Variants in BCL2L11 observed in about 807,000 individuals in gnomAD.
BCL2L11 encodes bcl-2-like protein 11.
Under a neutral mutation model 20.6 loss-of-function variants are expected in BCL2L11, and 15 were observed. That is an observed-to-expected ratio of 0.73 (90% CI 0.49 to 1.12). The LOEUF (loss-of-function observed/expected upper bound fraction) is 1.12, where lower values mean the gene tolerates loss of function less well. Among genes scored for constraint, BCL2L11 ranks in the 50% most tolerant of loss-of-function variants. BCL2L11 has a pLI of 0.00. For synonymous variants in BCL2L11, 108 were observed against 92.8 expected (o/e 1.16, Z -0.94); for missense variants, 292 against 260.9 (o/e 1.12, Z -0.82).
At chr2:111,129,213 C>A (rs1317364596) in intron 2 of BCL2L11, among the ~76,000 whole-genome samples, 4 of 152,216 alleles carry the variant, frequency 2.6e-5, no homozygotes, top group Non-Finnish European at 5.9e-5. Context: ...CACATGCTTT[C>A]TCAGCACCTT....
rs984163795 is a variant in BCL2L11 at position 111,164,359 on chromosome 2, C to T, written c.*128C>T. 3.0e-5 allele frequency: 21 copies of T among 697,590 alleles called. No individual in the cohort carries two copies. The highest frequency in any genetic ancestry group is 1.3e-4 in the Admixed American group (6 of 47,508). 43.2% of individuals were successfully genotyped at this position (697,590 alleles called of 1,614,324 possible). A position where few individuals can be genotyped will look rare whatever the true frequency, so the allele number is the denominator to read the frequency against. ...GTTCTCTTGTGGAGGGGGCAGGTGACGTTTCAGAAGACACCGAGCTGGATG... is the reference window on the plus strand; with the variant it reads ...GTTCTCTTGTGGAGGGGGCAGGTGATGTTTCAGAAGACACCGAGCTGGATG... On this transcript the variant is annotated 3_prime_UTR_variant, in exon 4 of 4. Transcript: ENST00000393256.
At chr2:111,126,657 A>G (rs747607866) in intron 2 of BCL2L11, among the ~76,000 whole-genome samples, 1 of 152,186 alleles carries the variant, frequency 6.6e-6, no homozygotes, top group Non-Finnish European at 1.5e-5. Flanking sequence ...CCTGAAGACC[A>G]CTGAAATAAT....
intron 3 of BCL2L11, among the ~76,000 whole-genome samples, chr2:111,161,239 A>G (rs2078509985): frequency 6.6e-6 from 1 of 152,244 alleles, no homozygotes. Context: ...GACACAGTGT[A>G]CAGTTCAGCC....
chr2:111,154,072 T>A (rs1215285714), intron 3 of BCL2L11, among the ~76,000 whole-genome samples: 1 of 152,196 alleles, frequency 6.6e-6, no homozygotes, highest in African/African-American at 2.4e-5. Context: ...TACAAAAATG[T>A]TGCAAGAATG....
intron 3 of BCL2L11, among the ~76,000 whole-genome samples, chr2:111,163,673 G>A (rs918132158): frequency 6.6e-6 from 1 of 152,018 alleles, no homozygotes; most frequent in South Asian, 2.1e-4. Flanking sequence ...GCACAATGGC[G>A]CATCACTGCG....
At chr2:111,140,551 G>A (rs1027655314) in intron 2 of BCL2L11, among the ~76,000 whole-genome samples, 2 of 152,216 alleles carry the variant, frequency 1.3e-5, no homozygotes, top group Non-Finnish European at 2.9e-5. Context: ...GGTGAGCCAA[G>A]CTCGATAACC....
intron 2 of BCL2L11, among the ~76,000 whole-genome samples, chr2:111,143,159 C>G (rs538644318): frequency 6.6e-6 from 1 of 152,116 alleles, no homozygotes; most frequent in Non-Finnish European, 1.5e-5. Flanking sequence ...TGAAAGTAAT[C>G]TAAAGCTATA....
chr2:111,130,109 CTTT>C (rs750092051), intron 2 of BCL2L11: 715 of 337,738 alleles, frequency 2.1e-3, no homozygotes, highest in Middle Eastern at 3.0e-3. Context: ...TTTTACTTCT[CTTT>C]TTTTTTTTTT....
At chr2:111,135,893 C>T (rs762638950) in intron 2 of BCL2L11, among the ~76,000 whole-genome samples, 4 of 152,192 alleles carry the variant, frequency 2.6e-5, no homozygotes, top group African/African-American at 4.8e-5. Flanking sequence ...GATAACTGCC[C>T]TACTAACACT....
At chr2:111,148,366 A>G (rs1457656364) in intron 2 of BCL2L11, among the ~76,000 whole-genome samples, 2 of 152,224 alleles carry the variant, frequency 1.3e-5, no homozygotes, top group African/African-American at 4.8e-5. Context: ...CTTCTAAATC[A>G]GGGAAAGAAC....
At chr2:111,139,318 C>A (rs372169032) in intron 2 of BCL2L11, among the ~76,000 whole-genome samples, 2 of 152,292 alleles carry the variant, frequency 1.3e-5, no homozygotes, top group East Asian at 3.9e-4. Flanking sequence ...GGGACACCTG[C>A]TGGAGACGGC....
intron 3 of BCL2L11, among the ~76,000 whole-genome samples, chr2:111,151,386 C>T (rs913377040): frequency 6.6e-6 from 1 of 152,178 alleles, no homozygotes; most frequent in Non-Finnish European, 1.5e-5. Flanking sequence ...AAAAGGAAGA[C>T]ACTAATTCTT....
intron 3 of BCL2L11, 169 bp downstream of exon 3, chr2:111,150,316 A>G (rs760222674): frequency 7.3e-7 from 1 of 1,365,964 alleles, no homozygotes; most frequent in African/African-American, 1.5e-5. Context: ...CATTTGTTTT[A>G]TGACTAAGTA....
At chr2:111,121,946 G>A (rs2071070498) in intron 1 of BCL2L11, among the ~76,000 whole-genome samples, 1 of 152,208 alleles carries the variant, frequency 6.6e-6, no homozygotes, top group African/African-American at 2.4e-5. Flanking sequence ...GCATGCCCGA[G>A]CACACCCGAC....
At chr2:111,128,610 T>C (rs768012660) in intron 2 of BCL2L11, 392 of 1,486,874 alleles carry the variant, frequency 2.6e-4, no homozygotes, top group Non-Finnish European at 3.4e-4. Context: ...ACACTTTTTT[T>C]TTTTTTTTTT....
intron 2 of BCL2L11, among the ~76,000 whole-genome samples, chr2:111,127,112 C>T (rs192684323): frequency 6.6e-6 from 1 of 152,084 alleles, no homozygotes; most frequent in Non-Finnish European, 1.5e-5. Context: ...ATTTTAGTCT[C>T]CTTACACTCT....
Position 111,123,832 on chromosome 2 carries a change from A to AC in BCL2L11, c.89dup (p.Gly31TrpfsTer13). 1 of 1,551,706 alleles carries AC rather than the reference A, an allele frequency of 6.4e-7. No homozygotes were observed. The highest frequency in any genetic ancestry group is 8.7e-7 in the Non-Finnish European group (1 of 1,151,294). On this transcript the variant is annotated frameshift_variant, in exon 2 of 4. Transcript: ENST00000393256. LOFTEE classifies it high-confidence loss of function. ...CTGCGGAGAGGCCTCCCCAGCTCAGACCTGGGGCCCCTACCTCCCTACAGA... is the reference window on the plus strand; with the variant it reads ...CTGCGGAGAGGCCTCCCCAGCTCAGACCCTGGGGCCCCTACCTCCCTACAGA...
In BCL2L11 at chr2:111,142,317, C is replaced by T. The variant is rs547430589; in HGVS notation, c.395-7727C>T. 4 of 1,550,372 alleles carry T rather than the reference C, an allele frequency of 2.6e-6. No homozygotes were observed. The South Asian group carries it at 4.8e-5, about 18-fold the overall frequency. Reference sequence around the variant, plus strand: ...CAACATTTTTATGGCTTGCAGATGACTCCGCTGGATCCTCCCTCAGAATTG... The same window carrying T: ...CAACATTTTTATGGCTTGCAGATGATTCCGCTGGATCCTCCCTCAGAATTG... On this transcript the variant is annotated intron_variant, in intron 2 of 3. Coordinates refer to ENST00000393256, the MANE Select transcript of BCL2L11 (RefSeq NM_138621.5).
intron 2 of BCL2L11, among the ~76,000 whole-genome samples, chr2:111,139,905 T>G (rs1559048017): frequency 6.6e-6 from 1 of 152,244 alleles, no homozygotes; most frequent in Admixed American, 6.5e-5. Context: ...ACAGGGCTGC[T>G]GGCACGCAGC....
Sources: allele counts gnomAD v4.1 joint callset (sites outside exome capture counted in the v4.1 genomes callset), GRCh38; gene constraint gnomAD v4.1.1; transcripts MANE v1.5; gene names NCBI Gene and HGNC (gene_info 2026-07-23, HGNC 2026-07-21).